TMEM182: variants seen among roughly 807,000 people sequenced by gnomAD.
TMEM182 encodes transmembrane protein 182.
TMEM182 carries 20 observed loss-of-function variants against 26.8 expected under a neutral mutation model. That is an observed-to-expected ratio of 0.75 (90% CI 0.53 to 1.09). The LOEUF (loss-of-function observed/expected upper bound fraction) is 1.09, where lower values mean the gene tolerates loss of function less well. Ranked by LOEUF, TMEM182 falls within the 50% of genes least tolerant of loss-of-function variation. The pLI, the probability that TMEM182 is intolerant of heterozygous loss-of-function variation, is 0.00. For missense variants in TMEM182, 277 were observed against 275.5 expected (o/e 1.01, Z -0.04); for synonymous variants, 109 against 102.2 (o/e 1.07, Z -0.40).
intron 1 of TMEM182, among the ~76,000 whole-genome samples, chr2:102,742,080 T>G (rs951103611): frequency 1.6e-4 from 25 of 152,220 alleles, no homozygotes; most frequent in African/African-American, 5.3e-4. Context: ...GTCTTGGAAT[T>G]ATTAGACATG....
chr2:102,820,238 A>G (rs1433163908), downstream of TMEM182, among the ~76,000 whole-genome samples: 1 of 152,158 alleles, frequency 6.6e-6, no homozygotes, highest in Non-Finnish European at 1.5e-5. Flanking sequence ...TAAACTTGCA[A>G]TTTGCCAAAT....
intron 3 of TMEM182, among the ~76,000 whole-genome samples, chr2:102,792,640 A>G (rs1375715248): frequency 6.6e-6 from 1 of 152,208 alleles, no homozygotes; most frequent in Non-Finnish European, 1.5e-5. Context: ...AGGAAGTTCC[A>G]ACAAATTTTG....
chr2:102,780,578 C>A (rs1285732258), intron 3 of TMEM182, among the ~76,000 whole-genome samples: 1 of 152,180 alleles, frequency 6.6e-6, no homozygotes, highest in Non-Finnish European at 1.5e-5. Context: ...TACCTCATTT[C>A]TACCTCTTAG....
chr2:102,771,100 A>G (rs1181613231), intron 3 of TMEM182, among the ~76,000 whole-genome samples: 1 of 152,184 alleles, frequency 6.6e-6, no homozygotes, highest in Non-Finnish European at 1.5e-5. Context: ...TAAATACAGC[A>G]AATCACTCCA....
chr2:102,824,778 G>T (rs998671179), intron 3 of TMEM182, among the ~76,000 whole-genome samples: 3 of 151,428 alleles, frequency 2.0e-5, no homozygotes, highest in Non-Finnish European at 4.4e-5. Flanking sequence ...AGTGAGCCGA[G>T]ATCACACCAC....
chr2:102,793,489 A>G (rs1277148453), intron 3 of TMEM182, among the ~76,000 whole-genome samples: 1 of 152,176 alleles, frequency 6.6e-6, no homozygotes, highest in Non-Finnish European at 1.5e-5. Flanking sequence ...GTGTACAGCC[A>G]TCCAGTTGTC....
At chr2:102,763,763 G>C (rs879874884) in intron 2 of TMEM182, among the ~76,000 whole-genome samples, 1 of 152,134 alleles carries the variant, frequency 6.6e-6, no homozygotes, top group Non-Finnish European at 1.5e-5. Context: ...CAATATTTCA[G>C]TCCACCTTAA....
chr2:102,795,475 C>T (rs779329914), intron 3 of TMEM182, among the ~76,000 whole-genome samples: 14 of 152,150 alleles, frequency 9.2e-5, no homozygotes, highest in Non-Finnish European at 1.8e-4. Context: ...AATCAACCAA[C>T]CCAATCTGTC....
At chr2:102,798,162 C>T (rs183348752) in intron 4 of TMEM182, among the ~76,000 whole-genome samples, 162 bp downstream of exon 4, 6 of 152,260 alleles carry the variant, frequency 3.9e-5, no homozygotes, top group Admixed American at 3.9e-4. Flanking sequence ...GTATACAATA[C>T]TTCTTGAACA....
upstream of TMEM182, among the ~76,000 whole-genome samples, chr2:102,759,955 T>C (rs1680157239): frequency 6.6e-6 from 1 of 152,208 alleles, no homozygotes; most frequent in Non-Finnish European, 1.5e-5. Flanking sequence ...TGTAATAAGA[T>C]TGGGACCACT....
chr2:102,829,286 C>G (rs1403470495), intron 3 of TMEM182, among the ~76,000 whole-genome samples: 2 of 152,076 alleles, frequency 1.3e-5, no homozygotes, highest in Admixed American at 6.5e-5. Flanking sequence ...GGGGATAGGT[C>G]CCTAGTTTAT....
At chr2:102,738,986 G>T (rs868624434) in intron 1 of TMEM182, among the ~76,000 whole-genome samples, 12 of 152,218 alleles carry the variant, frequency 7.9e-5, no homozygotes, top group South Asian at 2.1e-4. Flanking sequence ...AAGAGGCCAA[G>T]ACGACACTTC....
chr2:102,777,182 T>A (rs1393839493), intron 3 of TMEM182, among the ~76,000 whole-genome samples: 3 of 152,108 alleles, frequency 2.0e-5, no homozygotes, highest in Admixed American at 2.0e-4. Flanking sequence ...TTTTTTTTCT[T>A]GGGTGATGCT....
At chr2:102,769,628 G>T (rs965863173) in intron 3 of TMEM182, among the ~76,000 whole-genome samples, 7 of 152,100 alleles carry the variant, frequency 4.6e-5, no homozygotes, top group Non-Finnish European at 1.0e-4. Flanking sequence ...CATGTTGGTT[G>T]CTACCTCTGC....
At chr2:102,780,973 A>G (rs1177216692) in intron 3 of TMEM182, among the ~76,000 whole-genome samples, 1 of 152,192 alleles carries the variant, frequency 6.6e-6, no homozygotes, top group Non-Finnish European at 1.5e-5. Context: ...TCTAAAATAC[A>G]TGGGCAATAC....
At chr2:102,779,573 A>T (rs1681071436) in intron 3 of TMEM182, among the ~76,000 whole-genome samples, 1 of 152,166 alleles carries the variant, frequency 6.6e-6, no homozygotes, top group African/African-American at 2.4e-5. Flanking sequence ...TCTTGAAGTT[A>T]ACTTACTGTT....
intron 3 of TMEM182, among the ~76,000 whole-genome samples, chr2:102,788,089 G>A (rs1291955893): frequency 6.6e-6 from 1 of 152,118 alleles, no homozygotes; most frequent in Non-Finnish European, 1.5e-5. Flanking sequence ...GACAAGGGTG[G>A]CGGTGGAGAA....
At chr2:102,840,253 A>G (rs1224776083) in intron 3 of TMEM182, among the ~76,000 whole-genome samples, 1 of 152,202 alleles carries the variant, frequency 6.6e-6, no homozygotes, top group Non-Finnish European at 1.5e-5. Context: ...AGGGAATATG[A>G]GATAGAGAGT....
chr2:102,758,555 A>G (rs1257852440), upstream of TMEM182: 1 of 705,820 alleles, frequency 1.4e-6, no homozygotes, highest in Non-Finnish European at 2.6e-6. Context: ...TGTACAGGAA[A>G]CATGCACCCT....
Sources: gnomAD v4.1 joint callset for allele counts (sites outside exome capture counted in the v4.1 genomes callset) on GRCh38, gnomAD v4.1.1 for gene constraint, MANE v1.5 for transcripts, NCBI Gene and HGNC (gene_info 2026-07-23, HGNC 2026-07-21) for gene names.